Variants in BMPR1B observed in about 807,000 individuals in gnomAD.
BMPR1B encodes bone morphogenetic protein receptor type 1B, also known as bone morphogenetic protein receptor type-1B.
A neutral mutation model predicts 59.1 loss-of-function variants in BMPR1B; 12 were observed. That is an observed-to-expected ratio of 0.20 (90% CI 0.13 to 0.33). The LOEUF is 0.33. BMPR1B is among the 10% of genes least tolerant of loss of function. The pLI is 1.00. For missense variants in BMPR1B, 550 were observed against 610.9 expected, an observed-to-expected ratio of 0.90 and a Z score of 1.05; for synonymous variants, 237 against 207.3, an observed-to-expected ratio of 1.14 and a Z score of -1.23.
At chr4:94,985,212 A>C (rs76656785) in intron 2 of BMPR1B, among the ~76,000 whole-genome samples, 1 of 152,330 alleles carries the variant, frequency 6.6e-6, no homozygotes, top group African/African-American at 2.4e-5. Context: ...GATTAAAAAA[A>C]TCAGCCTAGT....
intron 6 of BMPR1B, among the ~76,000 whole-genome samples, chr4:95,121,504 G>C (rs970790553): frequency 6.6e-6 from 1 of 152,120 alleles, no homozygotes; most frequent in Non-Finnish European, 1.5e-5. Context: ...GTGGCATTAT[G>C]TCTAAAACTT....
intron 1 of BMPR1B, among the ~76,000 whole-genome samples, chr4:94,868,323 T>C (rs978992266): frequency 6.6e-6 from 1 of 151,966 alleles, no homozygotes; most frequent in Non-Finnish European, 1.5e-5. Flanking sequence ...TGTGCACCAC[T>C]ACCACCCAGC....
At chr4:94,924,895 T>A (rs1728826341) in intron 2 of BMPR1B, among the ~76,000 whole-genome samples, 1 of 152,178 alleles carries the variant, frequency 6.6e-6, no homozygotes, top group African/African-American at 2.4e-5. Context: ...TATGTTAATT[T>A]GAATAATTTA....
chr4:94,919,526 C>T (rs1425630472), intron 2 of BMPR1B, among the ~76,000 whole-genome samples: 1 of 151,798 alleles, frequency 6.6e-6, no homozygotes, highest in African/African-American at 2.4e-5. Flanking sequence ...CACCTCATTA[C>T]TACCCCCTTT....
At chr4:94,944,073 T>C (rs370768769) in intron 2 of BMPR1B, among the ~76,000 whole-genome samples, 10 of 152,214 alleles carry the variant, frequency 6.6e-5, no homozygotes, top group South Asian at 4.1e-4. Context: ...AAATATTATA[T>C]AAAATTACCT....
intron 10 of BMPR1B, among the ~76,000 whole-genome samples, chr4:95,148,425 CTTTT>C (rs1734798940): frequency 6.6e-6 from 1 of 150,810 alleles, no homozygotes; most frequent in Admixed American, 6.6e-5. Context: ...TTTTTTCTAA[CTTTT>C]TTTAAGAGAT....
At chr4:95,006,330 A>C (rs1043937651) in intron 3 of BMPR1B, among the ~76,000 whole-genome samples, 2 of 148,870 alleles carry the variant, frequency 1.3e-5, no homozygotes, top group African/African-American at 4.9e-5. Context: ...GGATCATGAG[A>C]TCAGGAGTAC....
intron 3 of BMPR1B, among the ~76,000 whole-genome samples, chr4:95,036,226 G>A (rs1560609259): frequency 6.6e-6 from 1 of 151,948 alleles, no homozygotes; most frequent in African/African-American, 2.4e-5. Context: ...TTTATCCTTA[G>A]TTTTACTCTT....
chr4:94,880,062 T>C (rs778004747), intron 2 of BMPR1B, among the ~76,000 whole-genome samples: 6 of 152,150 alleles, frequency 3.9e-5, no homozygotes, highest in Non-Finnish European at 8.8e-5. Context: ...CAAATTATTA[T>C]TATTTTATTC....
chr4:95,019,066 T>TG (rs1723789877), intron 3 of BMPR1B, among the ~76,000 whole-genome samples: 1 of 152,202 alleles, frequency 6.6e-6, no homozygotes, highest in East Asian at 1.9e-4. Flanking sequence ...AGGGAAGTTT[T>TG]GCAACTGTCG....
intron 11 of BMPR1B, among the ~76,000 whole-genome samples, chr4:95,151,025 C>G (rs977736248): frequency 6.6e-6 from 1 of 152,140 alleles, no homozygotes; most frequent in African/African-American, 2.4e-5. Context: ...TATTTTCTAA[C>G]ACTTTATGAA....
At chr4:94,840,583 G>A (rs912804782) in intron 1 of BMPR1B, among the ~76,000 whole-genome samples, 1 of 144,886 alleles carries the variant, frequency 6.9e-6, no homozygotes, top group Non-Finnish European at 1.5e-5. Context: ...CATTCTTCAC[G>A]TAGTTCTCGA....
chr4:94,813,500 G>A (rs1462236224), intron 1 of BMPR1B, among the ~76,000 whole-genome samples: 1 of 152,138 alleles, frequency 6.6e-6, no homozygotes. Context: ...AGAGTTTGGC[G>A]AGGGGAGCCT....
At chr4:94,970,497 A>G (rs1429649023) in intron 2 of BMPR1B, among the ~76,000 whole-genome samples, 4 of 152,006 alleles carry the variant, frequency 2.6e-5, no homozygotes, top group Non-Finnish European at 5.9e-5. Flanking sequence ...TATTTTTAGT[A>G]GAGACAGGGT....
chr4:94,845,170 T>G (rs1253883821), intron 1 of BMPR1B, among the ~76,000 whole-genome samples: 1 of 152,128 alleles, frequency 6.6e-6, no homozygotes, highest in Non-Finnish European at 1.5e-5. Context: ...GTTTTAATTA[T>G]ATAATTTAAA....
chr4:94,844,945 G>A (rs1725257833), intron 1 of BMPR1B, among the ~76,000 whole-genome samples: 1 of 152,114 alleles, frequency 6.6e-6, no homozygotes, highest in African/African-American at 2.4e-5. Context: ...TTTCACCTGG[G>A]TCCTTCTTCA....
At chr4:94,996,490 G>A (rs1560586281) in intron 3 of BMPR1B, 1 of 152,120 alleles carries the variant, frequency 6.6e-6, no homozygotes, top group Non-Finnish European at 1.5e-5. Flanking sequence ...TAAGTTTATC[G>A]TAGTGAGTGG....
intron 1 of BMPR1B, among the ~76,000 whole-genome samples, chr4:94,858,814 T>A (rs1359472840): frequency 6.6e-6 from 1 of 152,196 alleles, no homozygotes; most frequent in Non-Finnish European, 1.5e-5. Context: ...TCATTTTTAA[T>A]ACATCAAAGT....
At chr4:95,060,423 T>G (rs892039254) in intron 3 of BMPR1B, among the ~76,000 whole-genome samples, 4 of 152,324 alleles carry the variant, frequency 2.6e-5, no homozygotes, top group Middle Eastern at 3.4e-3. Flanking sequence ...ATCAGCATGA[T>G]GTGTTGTTTA....
Sources: allele counts gnomAD v4.1 joint callset (sites outside exome capture counted in the v4.1 genomes callset), GRCh38; gene constraint gnomAD v4.1.1; transcripts MANE v1.5; gene names NCBI Gene and HGNC (gene_info 2026-07-23, HGNC 2026-07-21).